Variants in AKT3 observed in about 807,000 individuals in gnomAD.
The protein encoded by AKT3 is AKT serine/threonine kinase 3, also known as RAC-gamma serine/threonine-protein kinase.
A neutral mutation model predicts 65.3 loss-of-function variants in AKT3; 15 were observed. The observed-to-expected ratio is 0.23, with a 90% CI of 0.15 to 0.35. The LOEUF (loss-of-function observed/expected upper bound fraction) is 0.35, where lower values mean the gene tolerates loss of function less well. AKT3 is among the 10% of genes least tolerant of loss of function. The pLI is 1.00. For synonymous variants in AKT3, 206 were observed against 183.8 expected, an observed-to-expected ratio of 1.12 and a Z score of -0.98; for missense variants, 243 against 576.5, an observed-to-expected ratio of 0.42 and a Z score of 5.92.
intron 2 of AKT3, among the ~76,000 whole-genome samples, chr1:243,785,044 C>G (rs983401173): frequency 6.6e-6 from 1 of 151,140 alleles, no homozygotes; most frequent in Non-Finnish European, 1.5e-5. Context: ...ATTACAGGTA[C>G]AAGCCACTGT....
At chr1:243,735,589 G>C (rs978512508) in intron 2 of AKT3, 1 of 152,048 alleles carries the variant, frequency 6.6e-6, no homozygotes, top group Non-Finnish European at 1.5e-5. Flanking sequence ...ATTTTTATTA[G>C]AGACTACTGT....
chr1:243,721,816 A>T (rs1686930693), intron 2 of AKT3, among the ~76,000 whole-genome samples: 1 of 152,148 alleles, frequency 6.6e-6, no homozygotes, highest in Admixed American at 6.5e-5. Context: ...TTTGTGTAGT[A>T]TTAGATAACA....
intron 2 of AKT3, among the ~76,000 whole-genome samples, chr1:243,696,276 A>G (rs999608458): frequency 1.3e-5 from 2 of 152,010 alleles, no homozygotes; most frequent in African/African-American, 2.4e-5. Flanking sequence ...TAAGAAAACG[A>G]AAGAACATGG....
intron 2 of AKT3, among the ~76,000 whole-genome samples, chr1:243,729,121 G>C (rs1289357331): frequency 6.6e-6 from 1 of 152,168 alleles, no homozygotes; most frequent in African/African-American, 2.4e-5. Flanking sequence ...AAATAAACTA[G>C]AGTTTAGGGC....
chr1:243,776,167 T>G (rs981469016), intron 2 of AKT3, among the ~76,000 whole-genome samples: 1 of 152,152 alleles, frequency 6.6e-6, no homozygotes, highest in Non-Finnish European at 1.5e-5. Flanking sequence ...ATCACCAAAT[T>G]AGTTCTAATT....
intron 2 of AKT3, among the ~76,000 whole-genome samples, chr1:243,707,018 T>C (rs1376755790): frequency 6.6e-6 from 1 of 152,168 alleles, no homozygotes; most frequent in African/African-American, 2.4e-5. Flanking sequence ...GGTCTCAGCT[T>C]CCTCTTCTGG....
chr1:243,636,399 T>A (rs1035481598), intron 6 of AKT3, among the ~76,000 whole-genome samples: 5 of 152,014 alleles, frequency 3.3e-5, no homozygotes, highest in African/African-American at 1.2e-4. Context: ...GCATAAAAAG[T>A]TGGATCACTT....
intron 3 of AKT3, among the ~76,000 whole-genome samples, chr1:243,694,888 G>C (rs763567567): frequency 6.6e-6 from 1 of 151,874 alleles, no homozygotes; most frequent in Non-Finnish European, 1.5e-5. Flanking sequence ...ATACAGACGA[G>C]CTAGATCTTA....
chr1:243,546,027 C>T (rs1372363629), intron 11 of AKT3, among the ~76,000 whole-genome samples: 1 of 152,168 alleles, frequency 6.6e-6, no homozygotes, highest in Non-Finnish European at 1.5e-5. Context: ...CCCATAATCC[C>T]CATGTGTCAT....
chr1:243,576,546 A>G (rs1674957283), intron 8 of AKT3, among the ~76,000 whole-genome samples: 1 of 152,240 alleles, frequency 6.6e-6, no homozygotes, highest in South Asian at 2.1e-4. Context: ...CTCAGGATAG[A>G]AAATCAATGT....
chr1:243,623,222 G>T (rs1678899784), intron 6 of AKT3, among the ~76,000 whole-genome samples: 1 of 152,146 alleles, frequency 6.6e-6, no homozygotes, highest in Admixed American at 6.6e-5. Context: ...AGCATCTCAG[G>T]GCAGTCATGA....
At chr1:243,791,867 G>A (rs1691651895) in intron 2 of AKT3, among the ~76,000 whole-genome samples, 1 of 152,170 alleles carries the variant, frequency 6.6e-6, no homozygotes, top group African/African-American at 2.4e-5. Context: ...ATTTTAAAGT[G>A]TTATGCACTT....
chr1:243,628,534 G>A (rs980344519), intron 6 of AKT3, among the ~76,000 whole-genome samples: 1 of 152,102 alleles, frequency 6.6e-6, no homozygotes, highest in African/African-American at 2.4e-5. Context: ...TGAACTCCTG[G>A]ACTCATGCGA....
chr1:243,488,966 A>C, intron 13 of AKT3: 1 of 1,612,748 alleles, frequency 6.2e-7, no homozygotes, highest in Non-Finnish European at 8.5e-7. Context: ...GGGCCTGTTG[A>C]AAGGCTGACG....
intron 2 of AKT3, among the ~76,000 whole-genome samples, chr1:243,817,080 G>C (rs1455216154): frequency 6.6e-6 from 1 of 152,168 alleles, no homozygotes; most frequent in Non-Finnish European, 1.5e-5. Flanking sequence ...TGACCTGCTA[G>C]AGAGAGGCAA....
intron 3 of AKT3, among the ~76,000 whole-genome samples, chr1:243,678,304 GCAA>G (rs1042113074): frequency 3.3e-5 from 5 of 151,908 alleles, no homozygotes; most frequent in Admixed American, 1.3e-4. Flanking sequence ...ATTTACTACA[GCAA>G]CAACAACAAC....
chr1:243,807,710 G>C (rs570806598), intron 2 of AKT3, among the ~76,000 whole-genome samples: 1 of 152,344 alleles, frequency 6.6e-6, no homozygotes, highest in Non-Finnish European at 1.5e-5. Context: ...CAGAGCTTGA[G>C]ATCTGAGAAC....
At chr1:243,796,633 C>T (rs542177353) in intron 2 of AKT3, among the ~76,000 whole-genome samples, 1 of 152,282 alleles carries the variant, frequency 6.6e-6, no homozygotes, top group East Asian at 1.9e-4. Flanking sequence ...CTGGCCTAGA[C>T]CACCAACCAG....
intron 4 of AKT3, among the ~76,000 whole-genome samples, chr1:243,656,193 A>G (rs1328973100): frequency 6.6e-6 from 1 of 152,126 alleles, no homozygotes; most frequent in Non-Finnish European, 1.5e-5. Context: ...TTTTATTCCT[A>G]AATAATGTTT....
Sources: allele counts gnomAD v4.1 joint callset (sites outside exome capture counted in the v4.1 genomes callset), GRCh38; gene constraint gnomAD v4.1.1; transcripts MANE v1.5; gene names NCBI Gene and HGNC (gene_info 2026-07-23, HGNC 2026-07-21).